CERS6: variants seen among roughly 807,000 people sequenced by gnomAD.
CERS6 encodes LAG1 homolog, ceramide synthase 6.
CERS6 carries 26 observed loss-of-function variants against 56.8 expected under a neutral mutation model. The ratio of observed to expected loss-of-function variants is 0.46; its 90% CI spans 0.34 to 0.63. The LOEUF (loss-of-function observed/expected upper bound fraction) is 0.63. Ranked by LOEUF, CERS6 falls within the 30% of genes least tolerant of loss-of-function variation. The pLI is 0.01. For missense variants in CERS6, 415 were observed against 467.5 expected, an observed-to-expected ratio of 0.89 and a Z score of 1.04; for synonymous variants, 164 against 173.3, an observed-to-expected ratio of 0.95 and a Z score of 0.42.
At chr2:168,551,512 C>T (rs553937990) in intron 2 of CERS6, among the ~76,000 whole-genome samples, 51 of 152,208 alleles carry the variant, frequency 3.4e-4, no homozygotes, top group African/African-American at 1.2e-3. Flanking sequence ...TTTGAATAAC[C>T]GTCTCACAGG....
At position 168,655,650 on chromosome 2, in the gene CERS6, T is replaced by C. The variant is rs997242471; in HGVS notation, c.465+24608T>C. 2.6e-5 allele frequency among the ~76,000 whole-genome samples: 4 copies of C among 152,220 alleles called. No homozygotes were observed. In the South Asian group the frequency reaches 6.2e-4, roughly 24 times the overall value. ...GAAAAATACTGCATGGTCTCACTTA[T>C]GTGAAATTTTAAAATAGCTCAAATA... On this transcript the variant is annotated intron_variant, in intron 4 of 9. Coordinates refer to ENST00000305747, the MANE Select transcript of CERS6 (RefSeq NM_203463.3).
intron 4 of CERS6, among the ~76,000 whole-genome samples, chr2:168,687,190 G>A (rs1459727330): frequency 6.6e-6 from 1 of 152,236 alleles, no homozygotes; most frequent in Non-Finnish European, 1.5e-5. Flanking sequence ...GGCTGGATGA[G>A]AAGCTTATCT....
intron 2 of CERS6, among the ~76,000 whole-genome samples, chr2:168,558,729 T>A (rs1432857458): frequency 6.6e-6 from 1 of 151,908 alleles, no homozygotes; most frequent in Non-Finnish European, 1.5e-5. Flanking sequence ...ATTAGCAGGG[T>A]GTGGTGGCTG....
chr2:168,562,271 C>T (rs936529500), intron 3 of CERS6, among the ~76,000 whole-genome samples: 6 of 152,136 alleles, frequency 3.9e-5, no homozygotes, highest in African/African-American at 1.4e-4. Flanking sequence ...ACCTTCCCCT[C>T]CACACCTGTG....
chr2:168,477,201 GA>G (rs1694092105), intron 1 of CERS6, among the ~76,000 whole-genome samples: 1 of 144,092 alleles, frequency 6.9e-6, no homozygotes, highest in African/African-American at 2.5e-5. Flanking sequence ...GAGAGAGAGA[GA>G]GAGAGAGAGA....
At chr2:168,767,702 G>C (rs751674345) in intron 9 of CERS6, among the ~76,000 whole-genome samples, 2 of 152,206 alleles carry the variant, frequency 1.3e-5, no homozygotes, top group African/African-American at 2.4e-5. Flanking sequence ...TCTCCCACAG[G>C]AACTGTAGTT....
intron 1 of CERS6, among the ~76,000 whole-genome samples, chr2:168,518,111 T>G (rs2105354556): frequency 6.6e-6 from 1 of 152,362 alleles, no homozygotes; most frequent in East Asian, 1.9e-4. Flanking sequence ...TATCTTTCAC[T>G]TATTTTTCAT....
At chr2:168,660,263 T>G (rs1559040856) in intron 4 of CERS6, among the ~76,000 whole-genome samples, 1 of 152,182 alleles carries the variant, frequency 6.6e-6, no homozygotes, top group Non-Finnish European at 1.5e-5. Context: ...AAACCTAGCT[T>G]TACCTCCAAT....
intron 6 of CERS6, among the ~76,000 whole-genome samples, chr2:168,712,617 G>T (rs1687121023): frequency 6.6e-6 from 1 of 152,124 alleles, no homozygotes; most frequent in Admixed American, 6.5e-5. Flanking sequence ...ATTCAACAAA[G>T]TTAAAATATC....
intron 8 of CERS6, among the ~76,000 whole-genome samples, chr2:168,757,236 A>G (rs1030695075): frequency 6.6e-6 from 1 of 152,120 alleles, no homozygotes; most frequent in Non-Finnish European, 1.5e-5. Context: ...CCCGAAGGAC[A>G]CAGCCTTGCC....
intron 3 of CERS6, among the ~76,000 whole-genome samples, chr2:168,584,761 C>G (rs1437078965): frequency 6.6e-6 from 1 of 152,104 alleles, no homozygotes; most frequent in Non-Finnish European, 1.5e-5. Flanking sequence ...GGGCAAATTC[C>G]TTTTTTAACT....
intron 4 of CERS6, among the ~76,000 whole-genome samples, chr2:168,677,878 G>A (rs960225285): frequency 6.6e-6 from 1 of 152,144 alleles, no homozygotes; most frequent in African/African-American, 2.4e-5. Flanking sequence ...CAGAAAGTGG[G>A]CGAAGGATAT....
intron 6 of CERS6, among the ~76,000 whole-genome samples, chr2:168,709,784 G>A (rs569546973): frequency 1.3e-5 from 2 of 152,232 alleles, no homozygotes; most frequent in East Asian, 3.9e-4. Context: ...TATAAGGATG[G>A]AAGTTTTCCA....
At chr2:168,756,142 A>G (rs771284551) in intron 8 of CERS6, among the ~76,000 whole-genome samples, 1 of 152,154 alleles carries the variant, frequency 6.6e-6, no homozygotes, top group African/African-American at 2.4e-5. Flanking sequence ...TTTCAGAGCC[A>G]TTTCTGCCAT....
At chr2:168,533,267 G>C (rs183895131) in intron 1 of CERS6, among the ~76,000 whole-genome samples, 246 of 152,292 alleles carry the variant, frequency 1.6e-3, no homozygotes, top group African/African-American at 5.6e-3. Flanking sequence ...GATGATGCTG[G>C]CCTCATAAAA....
intron 3 of CERS6, among the ~76,000 whole-genome samples, chr2:168,618,120 A>G (rs1206992154): frequency 6.6e-6 from 1 of 152,224 alleles, no homozygotes; most frequent in African/African-American, 2.4e-5. Flanking sequence ...AAACAGAATA[A>G]AAACAAAAAT....
At chr2:168,569,006 C>T (rs1695934183) in intron 3 of CERS6, among the ~76,000 whole-genome samples, 1 of 152,156 alleles carries the variant, frequency 6.6e-6, no homozygotes, top group Non-Finnish European at 1.5e-5. Flanking sequence ...GGCACTTGAC[C>T]TTGAAATGGA....
intron 3 of CERS6, among the ~76,000 whole-genome samples, chr2:168,615,318 C>T (rs932659494): frequency 3.3e-5 from 5 of 151,912 alleles, no homozygotes; most frequent in East Asian, 3.9e-4. Context: ...TCTTTAACAC[C>T]CCCGAAAAAT....
At chr2:168,745,752 G>A (rs76361042) in intron 8 of CERS6, among the ~76,000 whole-genome samples, 1,595 of 152,310 alleles carry the variant, frequency 0.01, 30 homozygotes, top group African/African-American at 0.035. Flanking sequence ...TCTGGGTTCA[G>A]TGTAGAATGT....
Sources: gnomAD v4.1 joint callset for allele counts (sites outside exome capture counted in the v4.1 genomes callset) on GRCh38, gnomAD v4.1.1 for gene constraint, MANE v1.5 for transcripts, NCBI Gene and HGNC (gene_info 2026-07-23, HGNC 2026-07-21) for gene names.